The following ZFHX3 variants were observed in gnomAD, a reference collection of about 807,000 sequenced individuals.
ZFHX3 encodes zinc finger homeobox 3.
Under a neutral mutation model 279.1 loss-of-function variants are expected in ZFHX3, and 42 were observed. The observed-to-expected ratio is 0.15, with a 90% CI of 0.12 to 0.19. The LOEUF (loss-of-function observed/expected upper bound fraction) is 0.19. Ranked by LOEUF, ZFHX3 falls within the 10% of genes least tolerant of loss-of-function variation. ZFHX3 has a pLI of 1.00. For synonymous variants in ZFHX3, 2,293 were observed against 1,957.8 expected (o/e 1.17, Z -4.52); for missense variants, 4,981 against 4,754.0 (o/e 1.05, Z -1.40).
intron 7 of ZFHX3, chr16:72,807,756 C>T (rs1031752397): frequency 6.6e-6 from 1 of 152,170 alleles, no homozygotes; most frequent in Non-Finnish European, 1.5e-5. Context: ...ACCCCGGACA[C>T]ACCCCATGTC....
chr16:72,862,751 TATA>T (rs2143904723), intron 4 of ZFHX3, among the ~76,000 whole-genome samples: 1 of 152,238 alleles, frequency 6.6e-6, no homozygotes, highest in East Asian at 1.9e-4. Context: ...GCTGTGGGGC[TATA>T]ATCATCAAAA....
chr16:72,788,090 G>T lies in ZFHX3; in HGVS notation c.10186C>A (p.Pro3396Thr). ...GGGACTGGGGTTTGGCTTGCTTTGG[G>T]CTGCTGCTGCTGCACTTTTTGCTGC... ...QQQQKVQQQQ[P>T]KASQTPVPPG... is the part of the protein sequence containing the mutation. Residue 3396 changes from proline (P) to threonine (T), a missense_variant, in exon 10 of 10, where the codon CCC becomes ACC. Pro to Thr is a conservative substitution (Grantham distance 38). Transcript: ENST00000268489. The T allele has an allele frequency of 6.2e-7, 1 of 1,608,310 alleles. No individual in the cohort carries two copies.
intron 1 of ZFHX3, among the ~76,000 whole-genome samples, chr16:73,784,381 T>C (rs1959570527): frequency 6.6e-6 from 1 of 151,922 alleles, no homozygotes; most frequent in African/African-American, 2.4e-5. Flanking sequence ...TACATGATGA[T>C]CATGGGTCTC....
chr16:73,668,438 A>G (rs1015658700), intron 2 of ZFHX3, among the ~76,000 whole-genome samples: 2 of 151,972 alleles, frequency 1.3e-5, no homozygotes, highest in Admixed American at 1.3e-4. Flanking sequence ...TATTTCTCCT[A>G]ATGCTATCCC....
chr16:73,774,942 T>C (rs918174324), intron 1 of ZFHX3, among the ~76,000 whole-genome samples: 4 of 152,198 alleles, frequency 2.6e-5, no homozygotes, highest in Non-Finnish European at 5.9e-5. Context: ...TACATCCTTT[T>C]ACGTCTCCCT....
At chr16:73,380,130 A>T (rs958344896) in intron 3 of ZFHX3, among the ~76,000 whole-genome samples, 1 of 152,254 alleles carries the variant, frequency 6.6e-6, no homozygotes, top group African/African-American at 2.4e-5. Flanking sequence ...GGTATAAAAC[A>T]GAATGGAGAA....
At chr16:73,259,779 T>C (rs1431349550) in intron 4 of ZFHX3, among the ~76,000 whole-genome samples, 1 of 152,266 alleles carries the variant, frequency 6.6e-6, no homozygotes, top group Non-Finnish European at 1.5e-5. Flanking sequence ...TGAATTATAA[T>C]ATTTATGTGC....
chr16:73,784,872 C>T (rs1046006903), intron 1 of ZFHX3, among the ~76,000 whole-genome samples: 1 of 150,238 alleles, frequency 6.7e-6, no homozygotes, highest in African/African-American at 2.4e-5. Flanking sequence ...TCCATAAGTC[C>T]TCTAATGAGG....
At chr16:73,322,228 G>T (rs1001726775) in intron 3 of ZFHX3, among the ~76,000 whole-genome samples, 3 of 151,816 alleles carry the variant, frequency 2.0e-5, no homozygotes, top group African/African-American at 7.3e-5. Flanking sequence ...AGAGGCAGAT[G>T]AAATCAGCCA....
chr16:73,404,537 T>G (rs1003878850), intron 3 of ZFHX3, among the ~76,000 whole-genome samples: 2 of 152,226 alleles, frequency 1.3e-5, no homozygotes, highest in African/African-American at 4.8e-5. Flanking sequence ...CCTGCAGGTT[T>G]GCAAATATAT....
At chr16:73,361,484 C>T (rs2016433381) in intron 3 of ZFHX3, among the ~76,000 whole-genome samples, 1 of 152,222 alleles carries the variant, frequency 6.6e-6, no homozygotes, top group Non-Finnish European at 1.5e-5. Context: ...GGTTTTAAGT[C>T]ACTAAATCTT....
intron 2 of ZFHX3, chr16:73,483,351 AAGAG>A (rs3087036): frequency 3.7e-5 from 16 of 434,528 alleles, no homozygotes; most frequent in Middle Eastern, 3.9e-4. Context: ...GAGAGAGAGA[AAGAG>A]AGAGAGAGAG....
At position 72,798,129 on chromosome 16, in the gene ZFHX3, C is replaced by G. The variant is rs770545151; in HGVS notation, c.4553G>C (p.Gly1518Ala). 2 of 1,614,188 alleles carry G rather than the reference C, an allele frequency of 1.2e-6. No individual in the cohort carries two copies. The highest frequency in any genetic ancestry group is 2.2e-5 in the South Asian group (2 of 91,084). ...AGGCAGAGCTCTCTTTGGCTCTGAG[C>G]CCGAGTCTTCTTGTACTGACCCAGA... ...SDSGSVQEDSGSEPKRALPFR... is the reference protein window; with the variant it reads ...SDSGSVQEDSASEPKRALPFR... Residue 1518 changes from glycine (G) to alanine (A), a missense_variant, in exon 9 of 10, where the codon GGC becomes GCC. This residue lies in a region of ZFHX3 where 1,751 missense variants were observed against 1,770.0 expected (regional missense o/e 0.99). Transcript: ENST00000268489.
At chr16:73,268,150 A>G (rs951941551) in intron 4 of ZFHX3, among the ~76,000 whole-genome samples, 1 of 152,070 alleles carries the variant, frequency 6.6e-6, no homozygotes, top group African/African-American at 2.4e-5. Context: ...CTGAAATCAT[A>G]CTCTTCTTCC....
At chr16:73,314,432 C>A (rs1037351756) in intron 4 of ZFHX3, among the ~76,000 whole-genome samples, 1 of 152,106 alleles carries the variant, frequency 6.6e-6, no homozygotes, top group Non-Finnish European at 1.5e-5. Context: ...CAACTATTAT[C>A]CTCATTTTAA....
At chr16:72,878,774 C>T (rs2038385601) in intron 4 of ZFHX3, among the ~76,000 whole-genome samples, 1 of 152,170 alleles carries the variant, frequency 6.6e-6, no homozygotes, top group Non-Finnish European at 1.5e-5. Context: ...GGGCCCTGGG[C>T]CTCTGTACCA....
At chr16:72,861,067 C>T (rs2037878257) in intron 4 of ZFHX3, among the ~76,000 whole-genome samples, 1 of 152,156 alleles carries the variant, frequency 6.6e-6, no homozygotes. Flanking sequence ...CACCTTCCCT[C>T]TCCCATGCAA....
At chr16:73,543,368 G>T (rs910614020) in intron 2 of ZFHX3, among the ~76,000 whole-genome samples, 1 of 152,142 alleles carries the variant, frequency 6.6e-6, no homozygotes, top group African/African-American at 2.4e-5. Context: ...TATATGGAAC[G>T]CCTTCAGTTT....
intron 5 of ZFHX3, among the ~76,000 whole-genome samples, chr16:73,213,008 C>T (rs185026389): frequency 9.9e-4 from 150 of 152,272 alleles, no homozygotes; most frequent in African/African-American, 3.4e-3. Flanking sequence ...TATTAGTGTC[C>T]TTGACTCTTT....
Sources: allele counts gnomAD v4.1 joint callset (sites outside exome capture counted in the v4.1 genomes callset), GRCh38; gene constraint gnomAD v4.1.1; regional missense constraint gnomAD v4.1.1; transcripts MANE v1.5; gene names NCBI Gene and HGNC (gene_info 2026-07-23, HGNC 2026-07-21).